The following NUFIP2 variants were observed in gnomAD, a reference collection of about 807,000 sequenced individuals.
NUFIP2 encodes FMR1-interacting protein NUFIP2.
A neutral mutation model predicts 56.9 loss-of-function variants in NUFIP2; 6 were observed. That is an observed-to-expected ratio of 0.11 (90% CI 0.06 to 0.21). NUFIP2 has a LOEUF of 0.21. Among genes scored for constraint, NUFIP2 ranks in the 10% least tolerant of loss-of-function variants. The pLI is 1.00. For synonymous variants in NUFIP2, 321 were observed against 298.2 expected (o/e 1.08, Z -0.79); for missense variants, 828 against 826.8 (o/e 1.00, Z -0.02).
At chr17:29,266,843 G>A (rs979680020) in intron 3 of NUFIP2, among the ~76,000 whole-genome samples, 5 of 151,540 alleles carry the variant, frequency 3.3e-5, no homozygotes, top group Middle Eastern at 3.4e-3. Context: ...CCCCATCCTC[G>A]CCAGTCCTGG....
chr17:29,270,342 G>C, intron 2 of NUFIP2, among the ~76,000 whole-genome samples: 1 of 128,156 alleles, frequency 7.8e-6, no homozygotes, highest in East Asian at 2.4e-4. Context: ...AAAAAAAAAA[G>C]ATGACGATCG....
rs1210512521 is a variant in NUFIP2, at chr17:29,264,060, G to C, written c.*479C>G. On this transcript the variant is annotated 3_prime_UTR_variant, in exon 4 of 4. Transcript: ENST00000225388. ...CAAAAAGATCAAGGGAGGAGTGGGG[G>C]GAAAATGTTGAATCATTCTGGGTTC... The C allele has an allele frequency of 1.3e-5, 2 of 152,526 alleles. No individual in the cohort carries two copies. The highest frequency in any genetic ancestry group is 4.8e-5 in the African/African-American group (2 of 41,402). The allele number at this position is 152,526 out of a possible 1,614,324, so 9.4% of individuals were successfully genotyped here. A position where few individuals can be genotyped will look rare whatever the true frequency, so the allele number is the denominator to read the frequency against.
chr17:29,275,959 C>T lies in NUFIP2; in HGVS notation c.2003-8429G>A, dbSNP rs185773591. Among the ~76,000 whole-genome samples, 8 of 151,398 alleles carry T rather than the reference C, an allele frequency of 5.3e-5. No homozygotes were observed. The East Asian group carries it at 9.7e-4, about 18-fold the overall frequency. On this transcript the variant is annotated intron_variant, in intron 2 of 3. Coordinates refer to ENST00000225388, the MANE Select transcript of NUFIP2 (RefSeq NM_020772.3). ...AGGAGAATTGCTTGAACCCAGGAGGCGGAGGTTGCAGTGAGCCAAGATTGC... is the reference window on the plus strand; with the variant it reads ...AGGAGAATTGCTTGAACCCAGGAGGTGGAGGTTGCAGTGAGCCAAGATTGC...
intron 3 of NUFIP2, among the ~76,000 whole-genome samples, chr17:29,265,672 T>A (rs2069031544): frequency 6.9e-6 from 1 of 144,558 alleles, no homozygotes; most frequent in Non-Finnish European, 1.5e-5. Context: ...ACATATATAA[T>A]TTCTACCTTC....
rs373146104 is a variant in NUFIP2 at position 29,264,375 on chromosome 17, C to CTATA, written c.*160_*163dup. 6.9e-3 allele frequency: 1,441 copies of CTATA among 208,190 alleles called. 20 individuals are homozygous for CTATA. The highest frequency in any genetic ancestry group is 0.032 in the African/African-American group (1,327 of 41,348). 12.9% of individuals were successfully genotyped at this position (208,190 alleles called of 1,614,324 possible). On this transcript the variant is annotated 3_prime_UTR_variant, in exon 4 of 4. Coordinates refer to ENST00000225388, the MANE Select transcript of NUFIP2 (RefSeq NM_020772.3). ...ACTTTCAGTTGCCTTTTTTAAATAACTATATATATATATATGTATATATAT... is the reference window on the plus strand; with the variant it reads ...ACTTTCAGTTGCCTTTTTTAAATAACTATATATATATATATATATGTATATATAT...
Position 29,294,073 on chromosome 17 carries a change from GACTCCCTGGCTGAGGC to G in NUFIP2, c.-30_-15del, listed in dbSNP as rs776572174. The G allele has an allele frequency of 6.3e-7, 1 of 1,584,522 alleles. No homozygotes were observed. The highest frequency in any genetic ancestry group is 1.2e-5 in the South Asian group (1 of 86,672). ...CTTCTCCTCCATTGAAAGCGGCTGG[GACTCCCTGGCTGAGGC>G]TGCGGGCTGCTGCACCGTCAGGATC... On this transcript the variant is annotated 5_prime_UTR_variant, in exon 1 of 4. Coordinates refer to ENST00000225388, the MANE Select transcript of NUFIP2 (RefSeq NM_020772.3).
intron 2 of NUFIP2, among the ~76,000 whole-genome samples, chr17:29,283,980 CTCAA>C (rs1269849871): frequency 6.6e-6 from 1 of 152,166 alleles, no homozygotes; most frequent in Non-Finnish European, 1.5e-5. Flanking sequence ...ATTTATTATA[CTCAA>C]TGTCTTCCAG....
At chr17:29,293,736 G>T in intron 1 of NUFIP2, 47 bp downstream of exon 1, 2 of 1,227,374 alleles carry the variant, frequency 1.6e-6, no homozygotes, top group South Asian at 1.5e-5. Context: ...CATCTCTCCT[G>T]TCCTCCACCC....
intron 2 of NUFIP2, 121 bp downstream of exon 2, chr17:29,285,871 A>C: frequency 1.4e-6 from 1 of 740,718 alleles, no homozygotes; most frequent in East Asian, 2.7e-5. Flanking sequence ...CTGCTTATCC[A>C]CATTGTCATT....
At chr17:29,268,790 A>C (rs1049951500) in intron 2 of NUFIP2, among the ~76,000 whole-genome samples, 1 of 151,936 alleles carries the variant, frequency 6.6e-6, no homozygotes, top group Non-Finnish European at 1.5e-5. Context: ...CAGCCCCCCA[A>C]AGTGCTGGGA....
chr17:29,292,884 G>T (rs8066836), intron 1 of NUFIP2, among the ~76,000 whole-genome samples: 17,639 of 141,258 alleles, frequency 0.12, 2,530 homozygotes, highest in East Asian at 0.3. Context: ...CCGGCGACGG[G>T]GGGGGGGGCG....
At chr17:29,270,933 CT>C (rs1326853419) in intron 2 of NUFIP2, among the ~76,000 whole-genome samples, 1 of 152,146 alleles carries the variant, frequency 6.6e-6, no homozygotes, top group South Asian at 2.1e-4. Context: ...GCACTTTCCC[CT>C]TTTTTTGAGA....
chr17:29,257,813 G>A lies in NUFIP2; in HGVS notation c.*6726C>T, dbSNP rs1409885489. On this transcript the variant is annotated 3_prime_UTR_variant, in exon 4 of 4. Transcript: ENST00000225388. ...AATGTTTACTTGAAGAAGGTGCTGA[G>A]GGGAGAAGGGAGTGAAGAATCCTTT... 2 of 152,176 alleles carry A rather than the reference G, an allele frequency of 1.3e-5. No individual in the cohort carries two copies. Among genetic ancestry groups the A allele is most frequent in the African/African-American group, 4.8e-5 (2 of 41,436 alleles). The allele number at this position is 152,176 out of a possible 1,614,324, so 9.4% of individuals were successfully genotyped here. A position where few individuals can be genotyped will look rare whatever the true frequency, so the allele number is the denominator to read the frequency against.
rs1035332811 is a variant in NUFIP2 at position 29,256,277 on chromosome 17, T to C, written c.*8262A>G. On this transcript the variant is annotated 3_prime_UTR_variant, in exon 4 of 4. Coordinates refer to ENST00000225388, the MANE Select transcript of NUFIP2 (RefSeq NM_020772.3). ...GTGCCTCTGCACGAGACAGAGAAAT[T>C]ACTTCACTCCTCCAGTAGGTTCTAA... The C allele has an allele frequency of 2.6e-5, 4 of 152,218 alleles. 1 individual carries two copies. Among genetic ancestry groups the C allele is most frequent in the Admixed American group, 1.3e-4 (2 of 15,274 alleles). The allele number at this position is 152,218 out of a possible 1,614,324, so 9.4% of individuals were successfully genotyped here.
At chr17:29,269,527 G>A (rs994226769) in intron 2 of NUFIP2, among the ~76,000 whole-genome samples, 14 of 151,240 alleles carry the variant, frequency 9.3e-5, no homozygotes, top group Admixed American at 3.9e-4. Flanking sequence ...TTTGCACAGG[G>A]GGACAAGGTC....
Position 29,286,679 on chromosome 17 carries a change from C to A in NUFIP2, c.1315G>T (p.Ala439Ser). The part of the protein sequence containing the change: ...PPGGQPLLTT[A>S]ANTLTPISSG... ...GAGATGGGTGTTAGAGTATTAGCAG[C>A]AGTAGTTAGCAGTGGCTGACCCCCT... Residue 439 changes from alanine to serine, a missense_variant, in exon 2 of 4, where the codon GCT becomes TCT. This residue lies in a region of NUFIP2 where 404 missense variants were observed against 380.3 expected (regional missense o/e 1.06). Transcript: ENST00000225388. The A allele has an allele frequency of 6.2e-7, 1 of 1,614,146 alleles. No individual in the cohort carries two copies. Among genetic ancestry groups the A allele is most frequent in the African/African-American group, 1.3e-5 (1 of 75,044 alleles).
intron 2 of NUFIP2, among the ~76,000 whole-genome samples, chr17:29,277,563 T>C (rs1225224051): frequency 6.6e-6 from 1 of 152,184 alleles, no homozygotes; most frequent in South Asian, 2.1e-4. Flanking sequence ...GATTTGCCCA[T>C]TTTTTGGATG....
At chr17:29,274,650 G>A (rs994413559) in intron 2 of NUFIP2, among the ~76,000 whole-genome samples, 10 of 152,248 alleles carry the variant, frequency 6.6e-5, no homozygotes, top group African/African-American at 2.4e-4. Context: ...TTATTCAGGG[G>A]ACAGAGTAAA....
chr17:29,267,718 G>C (rs1468099178), intron 2 of NUFIP2, among the ~76,000 whole-genome samples, 188 bp from the exon 3 acceptor site: 2 of 152,044 alleles, frequency 1.3e-5, no homozygotes, highest in Non-Finnish European at 2.9e-5. Flanking sequence ...TTTTTTAAGA[G>C]ACAGGGTCTT....
Sources: allele counts gnomAD v4.1 joint callset (sites outside exome capture counted in the v4.1 genomes callset), GRCh38; gene constraint gnomAD v4.1.1; regional missense constraint gnomAD v4.1.1; transcripts MANE v1.5; gene names NCBI Gene and HGNC (gene_info 2026-07-23, HGNC 2026-07-21).